RPGR: variants seen among roughly 807,000 people sequenced by gnomAD.
The protein encoded by RPGR is X-linked retinitis pigmentosa GTPase regulator.
A neutral mutation model predicts 56.3 loss-of-function variants in RPGR; 10 were observed. The ratio of observed to expected loss-of-function variants is 0.18; its 90% confidence interval spans 0.11 to 0.30. The LOEUF (loss-of-function observed/expected upper bound fraction) is 0.30, where lower values mean the gene tolerates loss of function less well. Among genes scored for constraint, RPGR ranks in the 10% least tolerant of loss-of-function variants. The pLI, the probability that RPGR is intolerant of heterozygous loss-of-function variation, is 1.00. For synonymous variants in RPGR, 197 were observed against 212.9 expected (o/e 0.93, Z 0.65); for missense variants, 538 against 590.9 (o/e 0.91, Z 0.93).
In RPGR at chrX:38,304,296, A is replaced by ATT. The variant is rs202034212; in HGVS notation, c.934+337_934+338dup. 4.0e-4 allele frequency among the ~76,000 whole-genome samples: 44 copies of ATT among 111,175 alleles called. 4 individuals are homozygous for ATT. Among genetic ancestry groups the ATT allele is most frequent in the Admixed American group, 3.3e-3 (34 of 10,427 alleles). On this transcript the variant is annotated intron_variant, in intron 8 of 18. Coordinates refer to ENST00000642395, the MANE Select transcript of RPGR (RefSeq NM_000328.3). ...TTTAAAATAAGTTTTTGCTTGTGGG[A>ATT]TTTTTCCTTTTGGCCTGAGTAGAAT...
intron 15 of RPGR, among the ~76,000 whole-genome samples, chrX:38,284,166 T>C (rs1005987897): frequency 2.7e-5 from 3 of 111,696 alleles, no homozygotes; most frequent in Non-Finnish European, 5.6e-5. Flanking sequence ...AAGTTTCTCA[T>C]CAAAATCCTC....
At chrX:38,322,727 A>G in intron 3 of RPGR, 126 bp downstream of exon 3, 1 of 532,235 alleles carries the variant, frequency 1.9e-6, no homozygotes, top group Non-Finnish European at 3.2e-6. Flanking sequence ...GTTAAATGCT[A>G]ATAATATTCA....
Position 38,285,616 on chromosome X carries a change from C to T in RPGR, c.1905+1478G>A, listed in dbSNP as rs772001902. ...ACCTGATGGCCCGTTTTTTAAAAGT[C>T]GTTTTGACTGGACTGGCATTTTGGA... On this transcript the variant is annotated intron_variant, in intron 15 of 18. Coordinates refer to ENST00000642395, the MANE Select transcript of RPGR (RefSeq NM_000328.3). The T allele has an allele frequency of 6.6e-6, 8 of 1,209,266 alleles. No homozygotes were observed. In the African/African-American group the frequency reaches 7.0e-5, roughly 11 times the overall value.
chrX:38,310,661 C>T lies in RPGR; in HGVS notation c.732G>A (p.Lys244=), dbSNP rs62638654. Reference sequence around the variant, plus strand: ...CTCCACCACAGGCTACTTGGATCACCTTCTCCGGAATTTCAGACACCAGCT... The same window carrying T: ...CTCCACCACAGGCTACTTGGATCACTTTCTCCGGAATTTCAGACACCAGCT... The change falls in exon 7 of 19, where the codon AAG becomes AAA. Residue 244 remains lysine, a synonymous_variant. Coordinates refer to ENST00000642395, the MANE Select transcript of RPGR (RefSeq NM_000328.3). 3,205 of 1,209,422 alleles carry T rather than the reference C, an allele frequency of 2.7e-3. 7 individuals carry two copies. Among genetic ancestry groups the T allele is most frequent in the Middle Eastern group, 8.0e-3 (35 of 4,350 alleles).
Position 38,287,215 on chromosome X carries a change from T to A in RPGR, c.1784A>T (p.Asp595Val), listed in dbSNP as rs761787495. The A allele has an allele frequency of 5.8e-6, 7 of 1,208,948 alleles. No homozygotes were observed. The Admixed American group carries it at 1.5e-4, about 26-fold the overall frequency. ...CTCCTCTATTCCATTTCCTTTTGAA[T>A]CCTCTGCTCCTTCCTTCTCCTCTGG... The change falls in exon 15 of 19, where the codon GAT becomes GTT. Residue 595 changes from aspartate to valine, a missense_variant. Asp to Val is a radical substitution (Grantham distance 152). Around this residue, in one of 2 missense-constraint regions of RPGR, gnomAD observed 357 missense variants for 325.8 expected, o/e 1.10. Transcript: ENST00000642395.
intron 13 of RPGR, 62 bp downstream of exon 13, chrX:38,290,897 T>A (rs934907914): frequency 2.0e-6 from 1 of 509,727 alleles, no homozygotes; most frequent in Admixed American, 2.9e-5. Flanking sequence ...CCAAAAACCA[T>A]CCAAAAAATT....
chrX:38,270,966 C>T (rs1002937981), intron 18 of RPGR, among the ~76,000 whole-genome samples: 8 of 111,684 alleles, frequency 7.2e-5, no homozygotes, highest in African/African-American at 2.6e-4. Context: ...GAGTGGCCAA[C>T]AGGGCATGTA....
At chrX:38,301,500 C>G (rs1332799655) in intron 8 of RPGR, 129 bp from the exon 9 acceptor site, 3 of 573,281 alleles carry the variant, frequency 5.2e-6, no homozygotes, top group Non-Finnish European at 8.4e-6. Context: ...TGAATTTACT[C>G]TATTGATCTT....
rs149100425 is a variant in RPGR at position 38,314,102 on chromosome X, T to G, written c.619+3214A>C. On this transcript the variant is annotated intron_variant, in intron 6 of 18. Coordinates refer to ENST00000642395, the MANE Select transcript of RPGR (RefSeq NM_000328.3). ...GCATAAATCTCATGTTTTAAGAAGG[T>G]TTACAATTTGTGATGGGCGGCATTC... Among the ~76,000 whole-genome samples the G allele has an allele frequency of 6.2e-3, 682 of 110,761 alleles. 6 individuals are homozygous for G. Among genetic ancestry groups the G allele is most frequent in the Middle Eastern group, 0.028 (6 of 215 alleles).
intron 15 of RPGR, among the ~76,000 whole-genome samples, chrX:38,281,998 G>A (rs1201935702): frequency 9.0e-6 from 1 of 111,469 alleles, no homozygotes; most frequent in Non-Finnish European, 1.9e-5. Flanking sequence ...CTATTCTTAT[G>A]TATATATTAA....
chrX:38,280,969 C>A (rs969828007), intron 15 of RPGR, among the ~76,000 whole-genome samples: 1 of 112,140 alleles, frequency 8.9e-6, no homozygotes, highest in South Asian at 3.7e-4. Flanking sequence ...TTGTGATCTC[C>A]AAATTCTTGG....
chrX:38,281,454 C>A (rs1302775100), intron 15 of RPGR, among the ~76,000 whole-genome samples: 3 of 112,020 alleles, frequency 2.7e-5, no homozygotes. Flanking sequence ...ATCATTATTG[C>A]AATCTACTTT....
In RPGR at chrX:38,298,973, T is replaced by C; in HGVS notation, c.1228A>G (p.Met410Val). The C allele has an allele frequency of 1.7e-6, 2 of 1,211,926 alleles. No homozygotes were observed. Among genetic ancestry groups the C allele is most frequent in the Non-Finnish European group, 2.2e-6 (2 of 895,509 alleles). ...AATTGTACCCTCTCTCTTCGCCGCA[T>C]ACGTGCTGATAGAGTCCTCTGCAGT... is the stretch of plus-strand genomic sequence containing the variant. The change falls in exon 10 of 19, where the codon ATG becomes GTG. Residue 410 changes from methionine (M) to valine (V), a missense_variant. Met to Val is a conservative substitution (Grantham distance 21). Around this residue, in one of 2 missense-constraint regions of RPGR, gnomAD observed 357 missense variants for 325.8 expected, o/e 1.10. Transcript: ENST00000642395.
At chrX:38,288,787 A>T (rs933518873) in intron 13 of RPGR, among the ~76,000 whole-genome samples, 1 of 109,466 alleles carries the variant, frequency 9.1e-6, no homozygotes, top group African/African-American at 3.3e-5. Context: ...TTAATTTTCA[A>T]TTTTTTTTTC....
chrX:38,320,660 A>G (rs142691371), intron 4 of RPGR, among the ~76,000 whole-genome samples: 3,571 of 110,772 alleles, frequency 0.032, 92 homozygotes, highest in African/African-American at 0.092. Flanking sequence ...CACACACACA[A>G]AAGCTCATAT....
At chrX:38,315,838 T>TATATAGAG (rs768025579) in intron 6 of RPGR, among the ~76,000 whole-genome samples, 176 of 90,817 alleles carry the variant, frequency 1.9e-3, no homozygotes, top group African/African-American at 7.2e-3. Flanking sequence ...TATATATATA[T>TATATAGAG]AGAGAGAGAG....
Position 38,327,350 on chromosome X carries a change from C to A in RPGR, c.18G>T (p.Glu6Asp). ...GCGGGCGCAACTCACCGGGCATCAG[C>A]TCTTCCGGCTCCCTCATGCCACGGG... is the stretch of plus-strand genomic sequence containing the variant. The change falls in exon 1 of 19, where the codon GAG (glutamate) becomes GAT (aspartate). Residue 6 changes from glutamate to aspartate, a missense_variant. Physicochemically the swap from Glu to Asp is conservative, Grantham distance 45 (BLOSUM62 2). This residue lies in a region of RPGR where 181 missense variants were observed against 265.1 expected (regional missense o/e 0.68). Transcript: ENST00000642395. 8.4e-7 allele frequency: 1 copy of A among 1,190,292 alleles called. No individual in the cohort carries two copies. Among genetic ancestry groups the A allele is most frequent in the East Asian group, 3.1e-5 (1 of 32,722 alleles).
At chrX:38,304,198 G>A (rs916083559) in intron 8 of RPGR, among the ~76,000 whole-genome samples, 1 of 111,692 alleles carries the variant, frequency 9.0e-6, no homozygotes, top group African/African-American at 3.3e-5. Context: ...TCCTGAAAAC[G>A]CCTCCAGGTG....
chrX:38,289,481 A>G (rs1485588108), intron 13 of RPGR, among the ~76,000 whole-genome samples: 1 of 112,350 alleles, frequency 8.9e-6, no homozygotes, highest in Non-Finnish European at 1.9e-5. Context: ...GTTGATCTAA[A>G]TTCTACAAAC....
Sources: allele counts gnomAD v4.1 joint callset (sites outside exome capture counted in the v4.1 genomes callset), GRCh38; gene constraint gnomAD v4.1.1; regional missense constraint gnomAD v4.1.1; transcripts MANE v1.5; gene names NCBI Gene and HGNC (gene_info 2026-07-23, HGNC 2026-07-21).